The following FTO variants were observed in gnomAD, a reference collection of about 807,000 sequenced individuals.
The protein encoded by FTO is FTO alpha-ketoglutarate dependent dioxygenase.
In FTO, 47 loss-of-function variants were observed where a neutral mutation model predicts 63.9. The observed-to-expected ratio is 0.74, with a 90% CI of 0.58 to 0.94. The LOEUF (loss-of-function observed/expected upper bound fraction) is 0.94. FTO is among the 40% of genes least tolerant of loss of function. FTO has a pLI of 0.00. For missense variants in FTO, 562 were observed against 618.1 expected, an observed-to-expected ratio of 0.91 and a Z score of 0.96; for synonymous variants, 207 against 224.4, an observed-to-expected ratio of 0.92 and a Z score of 0.69.
intron 8 of FTO, among the ~76,000 whole-genome samples, chr16:54,036,265 A>C (rs1489132180): frequency 6.6e-6 from 1 of 152,156 alleles, no homozygotes; most frequent in Non-Finnish European, 1.5e-5. Context: ...AATGTTTTAA[A>C]CATTTTGACC....
At chr16:53,931,642 C>A (rs567538006) in intron 7 of FTO, among the ~76,000 whole-genome samples, 1 of 151,984 alleles carries the variant, frequency 6.6e-6, no homozygotes, top group South Asian at 2.1e-4. Flanking sequence ...TTCCTTTCAA[C>A]TTTAAGAACA....
intron 8 of FTO, among the ~76,000 whole-genome samples, chr16:53,961,312 C>T (rs545582001): frequency 1.1e-4 from 16 of 152,304 alleles, no homozygotes; most frequent in African/African-American, 3.1e-4. Context: ...GTCATTTAGC[C>T]AGCAGACATT....
intron 8 of FTO, among the ~76,000 whole-genome samples, chr16:54,091,962 A>G (rs1315661774): frequency 6.6e-6 from 1 of 152,230 alleles, no homozygotes; most frequent in Non-Finnish European, 1.5e-5. Flanking sequence ...AATGTTGGCA[A>G]TTAACAATTA....
At chr16:54,065,391 T>G (rs112365280) in intron 8 of FTO, among the ~76,000 whole-genome samples, 9,518 of 152,056 alleles carry the variant, frequency 0.063, 415 homozygotes, top group East Asian at 0.14. Flanking sequence ...CTCGAACTCC[T>G]GGACTCAAGC....
intron 7 of FTO, among the ~76,000 whole-genome samples, chr16:53,930,221 C>CTTTTTTTTTTT: frequency 1.3e-5 from 1 of 75,692 alleles, no homozygotes; most frequent in Non-Finnish European, 2.5e-5. Flanking sequence ...TGATTATCTT[C>CTTTTTTTTTTT]TTTTTTTTTT....
chr16:53,947,583 T>C (rs1440645832), intron 8 of FTO, among the ~76,000 whole-genome samples: 1 of 152,120 alleles, frequency 6.6e-6, no homozygotes, highest in Non-Finnish European at 1.5e-5. Flanking sequence ...GTGGTGGTGA[T>C]TTTTCATATA....
rs185350255 is a variant in FTO, at chr16:53,936,673, G to T, written c.1364+2564G>T. On this transcript the variant is annotated intron_variant, in intron 8 of 8. Transcript: ENST00000471389. ...AGAAAATAATTAGCACTCACCAAAGGCCAAGCAATAGGTTACAGTATTTTA... is the reference window on the plus strand; with the variant it reads ...AGAAAATAATTAGCACTCACCAAAGTCCAAGCAATAGGTTACAGTATTTTA... Among the ~76,000 whole-genome samples, 332 of 152,262 alleles carry T rather than the reference G, an allele frequency of 2.2e-3. 1 individual carries two copies. Among genetic ancestry groups the T allele is most frequent in the African/African-American group, 7.6e-3 (317 of 41,554 alleles).
At chr16:53,755,701 G>T (rs1108103) in intron 1 of FTO, among the ~76,000 whole-genome samples, 46,838 of 152,036 alleles carry the variant, frequency 0.31, 9,793 homozygotes, top group African/African-American at 0.59. Flanking sequence ...CCCCTGCAAC[G>T]GGGTGTGGCC....
chr16:54,076,630 A>T (rs2085999416), intron 8 of FTO, among the ~76,000 whole-genome samples: 1 of 152,212 alleles, frequency 6.6e-6, no homozygotes, highest in Non-Finnish European at 1.5e-5. Flanking sequence ...TTATGTACAT[A>T]TAAATTATGT....
chr16:53,740,177 C>T (rs1223639484), intron 1 of FTO, among the ~76,000 whole-genome samples: 1 of 152,140 alleles, frequency 6.6e-6, no homozygotes, highest in African/African-American at 2.4e-5. Flanking sequence ...TTTTCCCTGT[C>T]CTATTGTTTT....
Position 53,747,823 on chromosome 16 carries a change from A to G in FTO, c.45+43594A>G, listed in dbSNP as rs554292006. ...GGTCTTATGTTTAAGTCTGTAGTCC[A>G]TTTGAGTTGATTTTAGTATATGGTG... On this transcript the variant is annotated intron_variant, in intron 1 of 8. Transcript: ENST00000471389. 9.5e-4 allele frequency among the ~76,000 whole-genome samples: 145 copies of G among 152,226 alleles called. 1 individual carries two copies. The highest frequency in any genetic ancestry group is 3.4e-3 in the African/African-American group (140 of 41,540).
chr16:53,730,726 G>T (rs912788506), intron 1 of FTO, among the ~76,000 whole-genome samples: 21 of 151,866 alleles, frequency 1.4e-4, no homozygotes, highest in Admixed American at 1.2e-3. Flanking sequence ...TGAACTCCTG[G>T]GCTCAAGCGA....
chr16:53,953,510 A>G (rs763762208), intron 8 of FTO, among the ~76,000 whole-genome samples: 2 of 152,210 alleles, frequency 1.3e-5, no homozygotes, highest in Non-Finnish European at 2.9e-5. Context: ...ATTTATAGTC[A>G]CCCAGACCAG....
At chr16:53,719,476 G>T (rs889523633) in intron 1 of FTO, among the ~76,000 whole-genome samples, 7 of 151,778 alleles carry the variant, frequency 4.6e-5, no homozygotes, top group African/African-American at 1.7e-4. Flanking sequence ...TATTGACATG[G>T]CATTGAGCAT....
intron 8 of FTO, among the ~76,000 whole-genome samples, chr16:54,067,462 A>C (rs2085760571): frequency 6.6e-6 from 1 of 152,216 alleles, no homozygotes; most frequent in African/African-American, 2.4e-5. Context: ...TTTATTGCAA[A>C]GGTTAGTTTA....
In FTO at chr16:53,870,074, A is replaced by G. The variant is rs554701498; in HGVS notation, c.896-3712A>G. On this transcript the variant is annotated intron_variant, in intron 4 of 8. Transcript: ENST00000471389. Reference sequence around the variant, plus strand: ...ATGCCTGTGAATTGTGAACCTCACAAGTGCTTCTCATTTTCTTTTTTCTCA... The same window carrying G: ...ATGCCTGTGAATTGTGAACCTCACAGGTGCTTCTCATTTTCTTTTTTCTCA... Among the ~76,000 whole-genome samples the G allele has an allele frequency of 2.6e-5, 4 of 152,248 alleles. No homozygotes were observed. In the South Asian group the frequency reaches 8.3e-4, roughly 32 times the overall value.
At chr16:53,840,536 C>G (rs2079444822) in intron 3 of FTO, among the ~76,000 whole-genome samples, 1 of 152,166 alleles carries the variant, frequency 6.6e-6, no homozygotes, top group Non-Finnish European at 1.5e-5. Context: ...GAAACAAGTA[C>G]TTTTGGCTTT....
At chr16:53,869,749 G>A (rs547119700) in intron 4 of FTO, among the ~76,000 whole-genome samples, 13 of 152,010 alleles carry the variant, frequency 8.6e-5, no homozygotes, top group African/African-American at 2.9e-4. Context: ...CTCTGCTTAC[G>A]TTCCCCATCA....
chr16:53,776,312 G>T (rs1317790809), intron 1 of FTO, among the ~76,000 whole-genome samples: 1 of 152,176 alleles, frequency 6.6e-6, no homozygotes, highest in African/African-American at 2.4e-5. Flanking sequence ...GGAGGAGGAA[G>T]AAGGATTCTG....
Sources: gnomAD v4.1 joint callset for allele counts (sites outside exome capture counted in the v4.1 genomes callset) on GRCh38, gnomAD v4.1.1 for gene constraint, MANE v1.5 for transcripts, NCBI Gene and HGNC (gene_info 2026-07-23, HGNC 2026-07-21) for gene names.